The following PTPRD variants were observed in gnomAD, a reference collection of about 807,000 sequenced individuals.
PTPRD encodes receptor-type tyrosine-protein phosphatase delta.
In PTPRD, 34 loss-of-function variants were observed where a neutral mutation model predicts 214.5. The ratio of observed to expected loss-of-function variants is 0.16; its 90% CI spans 0.12 to 0.21. The LOEUF is 0.21. Among genes scored for constraint, PTPRD ranks in the 10% least tolerant of loss-of-function variants. The pLI, the probability that PTPRD is intolerant of heterozygous loss-of-function variation, is 1.00. For synonymous variants in PTPRD, 1,128 were observed against 845.7 expected, an observed-to-expected ratio of 1.33 and a Z score of -5.79; for missense variants, 2,545 against 2,398.7, an observed-to-expected ratio of 1.06 and a Z score of -1.27.
chr9:8,577,144 A>G (rs904555767), intron 14 of PTPRD, among the ~76,000 whole-genome samples: 10 of 152,200 alleles, frequency 6.6e-5, no homozygotes, highest in African/African-American at 2.2e-4. Context: ...TGTACTCCAG[A>G]ATCTGAGCTA....
At chr9:9,990,986 G>C (rs1048997660) in intron 4 of PTPRD, among the ~76,000 whole-genome samples, 4 of 150,074 alleles carry the variant, frequency 2.7e-5, no homozygotes, top group Admixed American at 6.6e-5. Flanking sequence ...CCAGGCTGCA[G>C]TGCAGTGGCG....
At position 8,577,566 on chromosome 9, in the gene PTPRD, C is replaced by T. The variant is rs1462989062; in HGVS notation, c.353-48787G>A. Among the ~76,000 whole-genome samples the T allele has an allele frequency of 3.3e-5, 5 of 152,124 alleles. No individual in the cohort carries two copies. In the East Asian group the frequency reaches 7.7e-4, roughly 23 times the overall value. ...CACTGTGCCCAGCCTACCTTTAACT[C>T]TTGTTAAGGATCTCTCTCACCAAGA... On this transcript the variant is annotated intron_variant, in intron 14 of 45. Coordinates refer to ENST00000381196, the MANE Select transcript of PTPRD (RefSeq NM_002839.4).
At chr9:10,425,422 A>G (rs893008429) in intron 2 of PTPRD, among the ~76,000 whole-genome samples, 1 of 151,964 alleles carries the variant, frequency 6.6e-6, no homozygotes, top group African/African-American at 2.4e-5. Context: ...GTGAAAACAT[A>G]GAGCAACCTT....
intron 3 of PTPRD, among the ~76,000 whole-genome samples, chr9:10,282,721 A>T (rs996553090): frequency 6.6e-6 from 1 of 151,202 alleles, no homozygotes; most frequent in Non-Finnish European, 1.5e-5. Flanking sequence ...GATTTTTTTT[A>T]AGTTGCATGG....
intron 32 of PTPRD, among the ~76,000 whole-genome samples, chr9:8,461,104 G>A (rs368674254): frequency 3.9e-5 from 6 of 152,094 alleles, no homozygotes; most frequent in African/African-American, 1.2e-4. Context: ...CTTAGTGCTT[G>A]GTACTACTTA....
At chr9:9,198,117 T>C (rs1306796817) in intron 9 of PTPRD, among the ~76,000 whole-genome samples, 1 of 152,230 alleles carries the variant, frequency 6.6e-6, no homozygotes, top group Admixed American at 6.5e-5. Context: ...GATAATAAAA[T>C]TTGAGGTTTA....
At chr9:8,485,577 G>A (rs2096983524) in intron 28 of PTPRD, 185 bp downstream of exon 28, 1 of 655,056 alleles carries the variant, frequency 1.5e-6, no homozygotes, top group Non-Finnish European at 2.6e-6. Context: ...AGCCAGACTT[G>A]CTTGACATTC....
intron 5 of PTPRD, among the ~76,000 whole-genome samples, chr9:9,923,378 T>A (rs1191471760): frequency 1.3e-5 from 2 of 150,510 alleles, no homozygotes; most frequent in Non-Finnish European, 3.0e-5. Context: ...AGGAGAGCAA[T>A]GCAGAAGGTC....
At chr9:9,125,499 G>A (rs1449369639) in intron 10 of PTPRD, among the ~76,000 whole-genome samples, 1 of 152,156 alleles carries the variant, frequency 6.6e-6, no homozygotes, top group Non-Finnish European at 1.5e-5. Flanking sequence ...GCAATTGTCT[G>A]AGAAAAGCAG....
chr9:8,496,198 AC>A (rs1563827465), intron 26 of PTPRD, among the ~76,000 whole-genome samples: 5 of 146,722 alleles, frequency 3.4e-5, no homozygotes, highest in South Asian at 2.2e-4. Context: ...ACACACACAC[AC>A]ACACACACAC....
chr9:9,483,487 T>C (rs1189560598), intron 8 of PTPRD, among the ~76,000 whole-genome samples: 1 of 152,108 alleles, frequency 6.6e-6, no homozygotes, highest in African/African-American at 2.4e-5. Flanking sequence ...GTAATAAAAA[T>C]ACGGAAGTTT....
intron 7 of PTPRD, among the ~76,000 whole-genome samples, chr9:9,632,154 G>A (rs1389469638): frequency 2.0e-5 from 3 of 152,154 alleles, no homozygotes; most frequent in Non-Finnish European, 1.5e-5. Context: ...CAATCCAAGT[G>A]TCCATGAACT....
At chr9:10,010,647 T>C (rs941156983) in intron 4 of PTPRD, among the ~76,000 whole-genome samples, 2 of 151,840 alleles carry the variant, frequency 1.3e-5, no homozygotes, top group African/African-American at 4.8e-5. Flanking sequence ...GAGGTAACCA[T>C]TAGGTCCCAA....
At chr9:8,587,937 G>A (rs531293339) in intron 14 of PTPRD, among the ~76,000 whole-genome samples, 1 of 152,268 alleles carries the variant, frequency 6.6e-6, no homozygotes, top group Admixed American at 6.5e-5. Context: ...GAGAATTAAG[G>A]AGTAAATAAT....
In PTPRD at chr9:8,568,565, C is replaced by T. The variant is rs192496859; in HGVS notation, c.353-39786G>A. ...GTAAAACACAATTAAGAGAACACACCAGACTCATTCTCAGCTTCAGTAGGA... is the reference window on the plus strand; with the variant it reads ...GTAAAACACAATTAAGAGAACACACTAGACTCATTCTCAGCTTCAGTAGGA... On this transcript the variant is annotated intron_variant, in intron 14 of 45. Coordinates refer to ENST00000381196, the MANE Select transcript of PTPRD (RefSeq NM_002839.4). Among the ~76,000 whole-genome samples the T allele has an allele frequency of 1.2e-4, 18 of 152,230 alleles. No homozygotes were observed. The East Asian group carries it at 3.5e-3, about 29-fold the overall frequency.
intron 2 of PTPRD, among the ~76,000 whole-genome samples, chr9:10,444,405 A>G (rs1263358706): frequency 6.6e-6 from 1 of 151,832 alleles, no homozygotes; most frequent in Non-Finnish European, 1.5e-5. Flanking sequence ...ACAGACATAA[A>G]TACTAACATT....
chr9:10,195,630 T>C (rs2098177849), intron 3 of PTPRD, among the ~76,000 whole-genome samples: 1 of 152,168 alleles, frequency 6.6e-6, no homozygotes, highest in Non-Finnish European at 1.5e-5. Flanking sequence ...TATCCCTCTG[T>C]CATCCAACCA....
chr9:10,511,504 T>G (rs1444027168), intron 2 of PTPRD, among the ~76,000 whole-genome samples: 2 of 151,678 alleles, frequency 1.3e-5, no homozygotes, highest in African/African-American at 2.4e-5. Context: ...CCTGGGTTCA[T>G]GCAATTACCC....
At chr9:8,415,327 A>C (rs2093852496) in intron 35 of PTPRD, among the ~76,000 whole-genome samples, 1 of 152,212 alleles carries the variant, frequency 6.6e-6, no homozygotes, top group South Asian at 2.1e-4. Flanking sequence ...TTGGAGATGG[A>C]AGGAATGTGC....
Sources: allele counts gnomAD v4.1 joint callset (sites outside exome capture counted in the v4.1 genomes callset), GRCh38; gene constraint gnomAD v4.1.1; transcripts MANE v1.5; gene names NCBI Gene and HGNC (gene_info 2026-07-23, HGNC 2026-07-21).